PRKG1: variants seen among roughly 807,000 people sequenced by gnomAD.
PRKG1 encodes cGMP-dependent protein kinase 1.
A neutral mutation model predicts 88.1 loss-of-function variants in PRKG1; 35 were observed. The observed-to-expected ratio is 0.40, with a 90% confidence interval of 0.30 to 0.53. PRKG1 has a LOEUF of 0.53. PRKG1 is among the 20% of genes least tolerant of loss of function. The pLI is 0.59. For synonymous variants in PRKG1, 303 were observed against 292.5 expected (o/e 1.04, Z -0.37); for missense variants, 540 against 839.8 (o/e 0.64, Z 4.41).
At chr10:51,277,446 C>A (rs1840155328) in intron 2 of PRKG1, among the ~76,000 whole-genome samples, 1 of 151,930 alleles carries the variant, frequency 6.6e-6, no homozygotes, top group Non-Finnish European at 1.5e-5. Context: ...GCAATGTGGG[C>A]TCTTTTTTGG....
chr10:51,962,861 T>A (rs1001859737), intron 5 of PRKG1, among the ~76,000 whole-genome samples: 2 of 152,166 alleles, frequency 1.3e-5, no homozygotes, highest in African/African-American at 4.8e-5. Flanking sequence ...CTTCAAAATG[T>A]TTGAGGCTAC....
At chr10:51,956,553 G>T (rs1843307259) in intron 5 of PRKG1, among the ~76,000 whole-genome samples, 1 of 151,974 alleles carries the variant, frequency 6.6e-6, no homozygotes, top group Non-Finnish European at 1.5e-5. Context: ...AATTTGAAGA[G>T]AATGAACTGA....
At chr10:52,199,151 A>G (rs1244089023) in intron 9 of PRKG1, among the ~76,000 whole-genome samples, 1 of 152,046 alleles carries the variant, frequency 6.6e-6, no homozygotes, top group Non-Finnish European at 1.5e-5. Flanking sequence ...CTCAATGTAG[A>G]GAGCATATTC....
chr10:51,505,518 G>A (rs10823092), intron 3 of PRKG1, among the ~76,000 whole-genome samples: 145,422 of 152,224 alleles, frequency 0.96, 69,499 homozygotes, highest in East Asian at 1. Context: ...CTCTTTTTCT[G>A]TTGATTGGAA....
intron 3 of PRKG1, among the ~76,000 whole-genome samples, chr10:51,581,571 G>A (rs1483850482): frequency 6.6e-6 from 1 of 152,088 alleles, no homozygotes; most frequent in South Asian, 2.1e-4. Context: ...GAATCTTGGT[G>A]ATGTGAAACC....
At chr10:51,171,118 T>C (rs1187074037) in intron 2 of PRKG1, among the ~76,000 whole-genome samples, 1 of 152,104 alleles carries the variant, frequency 6.6e-6, no homozygotes, top group Admixed American at 6.6e-5. Context: ...TATTTGCTAA[T>C]GGATTGGACT....
intron 2 of PRKG1, among the ~76,000 whole-genome samples, chr10:51,333,826 TATTG>T (rs1362875939): frequency 6.6e-6 from 1 of 152,236 alleles, no homozygotes; most frequent in Non-Finnish European, 1.5e-5. Flanking sequence ...TACCTTTCTC[TATTG>T]ATCCTTTGCT....
chr10:51,404,218 A>G (rs943103537), intron 2 of PRKG1, among the ~76,000 whole-genome samples: 1 of 152,222 alleles, frequency 6.6e-6, no homozygotes, highest in Non-Finnish European at 1.5e-5. Context: ...TGTCTAAAGA[A>G]AGTTATCACA....
chr10:51,748,079 A>G (rs1036972863), intron 3 of PRKG1, among the ~76,000 whole-genome samples: 12 of 152,232 alleles, frequency 7.9e-5, no homozygotes, highest in Admixed American at 6.5e-5. Context: ...ATTACCAAGT[A>G]TATATTTTGT....
intron 2 of PRKG1, among the ~76,000 whole-genome samples, chr10:51,205,347 G>A (rs1838029442): frequency 6.6e-6 from 1 of 150,766 alleles, no homozygotes; most frequent in Non-Finnish European, 1.5e-5. Context: ...ATCTCGGCCA[G>A]GCTGGTCTCG....
At chr10:51,275,734 A>G (rs558203342) in intron 2 of PRKG1, among the ~76,000 whole-genome samples, 1 of 152,160 alleles carries the variant, frequency 6.6e-6, no homozygotes, top group Non-Finnish European at 1.5e-5. Flanking sequence ...TTCAAAAACA[A>G]CCAGAGTGAC....
intron 8 of PRKG1, among the ~76,000 whole-genome samples, chr10:52,150,008 C>T (rs1230995401): frequency 2.0e-5 from 3 of 151,642 alleles, no homozygotes. Flanking sequence ...CTTAGCTGGG[C>T]ATGGTGGTGG....
At chr10:51,251,162 C>T (rs1204491234) in intron 2 of PRKG1, among the ~76,000 whole-genome samples, 1 of 151,722 alleles carries the variant, frequency 6.6e-6, no homozygotes, top group African/African-American at 2.4e-5. Flanking sequence ...CAACAAATTG[C>T]ATTGCTTCCT....
chr10:51,030,995 A>AG (rs1235504091), intron 1 of PRKG1, among the ~76,000 whole-genome samples: 3 of 152,124 alleles, frequency 2.0e-5, no homozygotes, highest in Admixed American at 6.6e-5. Flanking sequence ...ACTGATTTTA[A>AG]TTTTTTTACT....
intron 5 of PRKG1, among the ~76,000 whole-genome samples, chr10:51,943,370 T>A (rs1842952378): frequency 6.6e-6 from 1 of 151,960 alleles, no homozygotes; most frequent in African/African-American, 2.4e-5. Context: ...TGATGGGGTT[T>A]TCTAGATATA....
At chr10:52,226,482 G>A (rs1840391418) in intron 9 of PRKG1, among the ~76,000 whole-genome samples, 1 of 152,152 alleles carries the variant, frequency 6.6e-6, no homozygotes, top group African/African-American at 2.4e-5. Flanking sequence ...TATAAAACAT[G>A]CAGAGCAAAG....
intron 2 of PRKG1, among the ~76,000 whole-genome samples, chr10:51,191,371 C>G (rs1292562013): frequency 6.6e-6 from 1 of 151,646 alleles, no homozygotes; most frequent in East Asian, 1.9e-4. Flanking sequence ...CTCAGTTTCT[C>G]CATATGTAAG....
intron 2 of PRKG1, among the ~76,000 whole-genome samples, chr10:51,231,417 C>T (rs773636180): frequency 7.9e-5 from 12 of 152,076 alleles, no homozygotes; most frequent in South Asian, 2.1e-4. Context: ...CCAAATTGTG[C>T]GTTTCAGTCT....
chr10:51,154,870 G>C (rs1157062916), intron 2 of PRKG1, among the ~76,000 whole-genome samples: 2 of 151,988 alleles, frequency 1.3e-5, no homozygotes, highest in African/African-American at 2.4e-5. Flanking sequence ...GCTATATGTG[G>C]ATAGTGAGCA....
Sources: allele counts gnomAD v4.1 joint callset (sites outside exome capture counted in the v4.1 genomes callset), GRCh38; gene constraint gnomAD v4.1.1; transcripts MANE v1.5; gene names NCBI Gene and HGNC (gene_info 2026-07-23, HGNC 2026-07-21).